BFSP2: variants seen among roughly 807,000 people sequenced by gnomAD.
The protein encoded by BFSP2 is phakinin.
Under a neutral mutation model 44.9 loss-of-function variants are expected in BFSP2, and 38 were observed. The observed-to-expected ratio is 0.85, with a 90% CI of 0.65 to 1.11. The LOEUF (loss-of-function observed/expected upper bound fraction) is 1.11. Ranked by LOEUF, BFSP2 falls within the 50% of genes least tolerant of loss-of-function variation. BFSP2 has a pLI of 0.00. For missense variants in BFSP2, 525 were observed against 533.0 expected (o/e 0.99, Z 0.15); for synonymous variants, 197 against 209.9 (o/e 0.94, Z 0.53).
chr3:133,423,353 G>A (rs894034034), intron 1 of BFSP2, among the ~76,000 whole-genome samples: 1 of 152,118 alleles, frequency 6.6e-6, no homozygotes, highest in Non-Finnish European at 1.5e-5. Context: ...TCACTCCACC[G>A]GGTTGTTGTG....
At chr3:133,473,070 G>T (rs192329103) in intron 6 of BFSP2, among the ~76,000 whole-genome samples, 1 of 151,960 alleles carries the variant, frequency 6.6e-6, no homozygotes, top group Non-Finnish European at 1.5e-5. Context: ...TGGGGTTACA[G>T]GTGTGAGCCG....
At chr3:133,431,698 C>G (rs542822013) in intron 1 of BFSP2, among the ~76,000 whole-genome samples, 2 of 152,076 alleles carry the variant, frequency 1.3e-5, no homozygotes. Flanking sequence ...CTTATCAATA[C>G]GAGGCTACCC....
At chr3:133,425,776 A>T (rs1576569641) in intron 1 of BFSP2, among the ~76,000 whole-genome samples, 1 of 35,504 alleles carries the variant, frequency 2.8e-5, no homozygotes, top group Non-Finnish European at 5.0e-5. Context: ...GGAAAGGGAA[A>T]GGGAAAGGGA....
chr3:133,421,298 C>G (rs2073590025), intron 1 of BFSP2, among the ~76,000 whole-genome samples: 1 of 152,222 alleles, frequency 6.6e-6, no homozygotes, highest in Non-Finnish European at 1.5e-5. Flanking sequence ...CAACAGAAAG[C>G]TATTCTCTCA....
At chr3:133,425,785 G>GAAGGGAAGGGAAGAAGGA (rs1553779084) in intron 1 of BFSP2, among the ~76,000 whole-genome samples, 1 of 25,576 alleles carries the variant, frequency 3.9e-5, no homozygotes, top group Non-Finnish European at 1.9e-4. Flanking sequence ...AAGGGAAAGG[G>GAAGGGAAGGGAAGAAGGA]AAGGGAAGGG....
At chr3:133,425,807 G>GGAAGGGAAGGGAAAAAAA (rs1559964191) in intron 1 of BFSP2, among the ~76,000 whole-genome samples, 16 of 120,446 alleles carry the variant, frequency 1.3e-4, no homozygotes, top group African/African-American at 4.0e-4. Flanking sequence ...AGGGAAGAAG[G>GGAAGGGAAGGGAAAAAAA]GAAGGGAAGG....
intron 3 of BFSP2, among the ~76,000 whole-genome samples, chr3:133,449,910 G>GGA (rs1252719443): frequency 5.4e-5 from 8 of 147,526 alleles, no homozygotes; most frequent in Admixed American, 2.8e-4. Context: ...AAGGAAGGAA[G>GGA]GAGAGAGAGA....
chr3:133,442,180 C>T (rs2073851978), intron 1 of BFSP2, among the ~76,000 whole-genome samples: 1 of 152,232 alleles, frequency 6.6e-6, no homozygotes. Flanking sequence ...CACTCTGTCT[C>T]TCAGGCTGGA....
chr3:133,474,471 G>A (rs1275348061), intron 6 of BFSP2, among the ~76,000 whole-genome samples: 1 of 152,174 alleles, frequency 6.6e-6, no homozygotes, highest in African/African-American at 2.4e-5. Context: ...CTTTCAAATG[G>A]AAAATATGTC....
Position 133,409,553 on chromosome 3 carries a change from T to TG in BFSP2, c.489+8987dup, listed in dbSNP as rs113455502. The stretch of plus-strand genomic sequence containing the variant: ...TAACAACCATCTTTCACTAAAAGAA[T>TG]GGGGGGCTCCTTGTAGAAATGGCTG... On this transcript the variant is annotated intron_variant, in intron 1 of 6. Coordinates refer to ENST00000302334, the MANE Select transcript of BFSP2 (RefSeq NM_003571.4). Among the ~76,000 whole-genome samples, 1,484 of 152,256 alleles carry TG rather than the reference T, an allele frequency of 9.7e-3. 21 individuals are homozygous for TG. The highest frequency in any genetic ancestry group is 0.031 in the African/African-American group (1,302 of 41,540).
In BFSP2 at chr3:133,400,079, G is replaced by T. The variant is rs754192670; in HGVS notation, c.-5G>T. On this transcript the variant is annotated 5_prime_UTR_variant, in exon 1 of 7. Coordinates refer to ENST00000302334, the MANE Select transcript of BFSP2 (RefSeq NM_003571.4). The surrounding 1 kb of genome is among the most constrained non-coding windows in gnomAD (Gnocchi z 4.0). Reference sequence around the variant, plus strand: ...CCACTGGGCACCACAGAGGCAGAAGGGGTGATGAGTGAGAGGCGAGTGGTA... The same window carrying T: ...CCACTGGGCACCACAGAGGCAGAAGTGGTGATGAGTGAGAGGCGAGTGGTA... 1 of 1,613,926 alleles carries T rather than the reference G, an allele frequency of 6.2e-7. No individual in the cohort carries two copies. Among genetic ancestry groups the T allele is most frequent in the Non-Finnish European group, 8.5e-7 (1 of 1,180,032 alleles).
chr3:133,450,807 T>C (rs1022983233), intron 4 of BFSP2, among the ~76,000 whole-genome samples: 2 of 152,064 alleles, frequency 1.3e-5, no homozygotes, highest in African/African-American at 4.8e-5. Context: ...ATAATCTGAA[T>C]ACAATCCTGA....
chr3:133,464,300 T>C (rs527557704), intron 4 of BFSP2, among the ~76,000 whole-genome samples: 1 of 152,272 alleles, frequency 6.6e-6, no homozygotes, highest in African/African-American at 2.4e-5. Flanking sequence ...TGAGAGCACA[T>C]CTCTGGGTCT....
chr3:133,401,112 A>T (rs987128696), intron 1 of BFSP2, among the ~76,000 whole-genome samples: 9 of 152,260 alleles, frequency 5.9e-5, no homozygotes, highest in Non-Finnish European at 1.2e-4. Flanking sequence ...AATATGAACT[A>T]CATTGGTAAT....
At chr3:133,407,588 G>T (rs1412070141) in intron 1 of BFSP2, among the ~76,000 whole-genome samples, 1 of 152,080 alleles carries the variant, frequency 6.6e-6, no homozygotes, top group Non-Finnish European at 1.5e-5. Context: ...AGAGTGGAGG[G>T]GAGGAGGCTG....
intron 4 of BFSP2, among the ~76,000 whole-genome samples, chr3:133,461,810 A>C (rs990915198): frequency 5.3e-5 from 8 of 152,190 alleles, no homozygotes; most frequent in African/African-American, 1.9e-4. Context: ...TTGCTCTTTC[A>C]ATCTTAAACT....
chr3:133,446,581 T>C (rs1310255447), intron 1 of BFSP2, among the ~76,000 whole-genome samples: 3 of 8,548 alleles, frequency 3.5e-4, no homozygotes, highest in African/African-American at 5.7e-4. Flanking sequence ...TATATATATA[T>C]ATATATATAT....
chr3:133,430,790 C>T (rs911978672), intron 1 of BFSP2, among the ~76,000 whole-genome samples: 29 of 152,078 alleles, frequency 1.9e-4, no homozygotes, highest in Non-Finnish European at 4.1e-4. Flanking sequence ...TTTCTACAGA[C>T]CCATCTGACC....
intron 1 of BFSP2, among the ~76,000 whole-genome samples, chr3:133,420,938 A>T (rs901394471): frequency 2.0e-5 from 3 of 151,698 alleles, no homozygotes; most frequent in Non-Finnish European, 2.9e-5. Flanking sequence ...AGTCCAGCTG[A>T]CTCCTTCCCA....
Sources: gnomAD v4.1 joint callset for allele counts (sites outside exome capture counted in the v4.1 genomes callset) on GRCh38, gnomAD v4.1.1 for gene constraint, Gnocchi (gnomAD v3.1) non-coding constraint, MANE v1.5 for transcripts, NCBI Gene and HGNC (gene_info 2026-07-23, HGNC 2026-07-21) for gene names.